Variants in MCF2L2 observed in about 807,000 individuals in gnomAD.
The protein encoded by MCF2L2 is MCF.2 cell line derived transforming sequence-like 2, also known as probable guanine nucleotide exchange factor MCF2L2.
MCF2L2 carries 102 observed loss-of-function variants against 150.2 expected under a neutral mutation model. The ratio of observed to expected loss-of-function variants is 0.68; its 90% CI spans 0.58 to 0.80. MCF2L2 has a LOEUF of 0.80. MCF2L2 is among the 30% of genes least tolerant of loss of function. MCF2L2 has a pLI of 0.00. For synonymous variants in MCF2L2, 465 were observed against 491.3 expected (o/e 0.95, Z 0.71); for missense variants, 1,256 against 1,372.8 (o/e 0.91, Z 1.34).
intron 27 of MCF2L2, chr3:183,182,465 C>G (rs1279727241): frequency 2.6e-5 from 4 of 152,302 alleles, no homozygotes; most frequent in Non-Finnish European, 5.9e-5. Flanking sequence ...CACATTTATA[C>G]AATTCAAACA....
intron 15 of MCF2L2, chr3:183,258,196 G>GA (rs1725254805): frequency 6.6e-6 from 1 of 152,528 alleles, no homozygotes; most frequent in Non-Finnish European, 1.5e-5. Context: ...TTGATCTCCC[G>GA]ACCTCCTGAT....
intron 1 of MCF2L2, among the ~76,000 whole-genome samples, chr3:183,405,431 G>A (rs761354890): frequency 3.3e-5 from 5 of 151,904 alleles, no homozygotes; most frequent in African/African-American, 4.8e-5. Context: ...TTTAAGCATC[G>A]ACACAATCAG....
At chr3:183,251,459 T>C (rs1387545760) in intron 15 of MCF2L2, among the ~76,000 whole-genome samples, 1 of 152,164 alleles carries the variant, frequency 6.6e-6, no homozygotes, top group Non-Finnish European at 1.5e-5. Context: ...AATCTGCTAC[T>C]CCTCTGCTCT....
chr3:183,255,827 AAG>A (rs1404215847), intron 15 of MCF2L2, among the ~76,000 whole-genome samples: 4 of 152,112 alleles, frequency 2.6e-5, no homozygotes, highest in African/African-American at 4.8e-5. Context: ...AAAAAAGAAA[AAG>A]AAAACTTTCT....
chr3:183,369,848 T>C (rs1577098896), intron 3 of MCF2L2, among the ~76,000 whole-genome samples: 1 of 152,234 alleles, frequency 6.6e-6, no homozygotes, highest in East Asian at 1.9e-4. Flanking sequence ...GCATAATAAA[T>C]GTTGAAGGGC....
intron 2 of MCF2L2, among the ~76,000 whole-genome samples, chr3:183,382,975 T>G (rs1295421601): frequency 1.3e-5 from 2 of 152,068 alleles, no homozygotes; most frequent in African/African-American, 2.4e-5. Context: ...ATTTTCCCTT[T>G]CTCCTCTACA....
chr3:183,290,531 TTC>T, intron 13 of MCF2L2, among the ~76,000 whole-genome samples: 1 of 151,502 alleles, frequency 6.6e-6, no homozygotes, highest in African/African-American at 2.4e-5. Context: ...GAGCATTTCT[TTC>T]TTTCTTTCTT....
At chr3:183,239,160 G>C (rs1263451846) in intron 15 of MCF2L2, among the ~76,000 whole-genome samples, 3 of 152,172 alleles carry the variant, frequency 2.0e-5, no homozygotes, top group Admixed American at 2.0e-4. Flanking sequence ...TCTACTCAGA[G>C]CTAGAGGACT....
At chr3:183,348,719 T>G (rs1248090191) in intron 3 of MCF2L2, among the ~76,000 whole-genome samples, 2 of 152,196 alleles carry the variant, frequency 1.3e-5, no homozygotes, top group Non-Finnish European at 2.9e-5. Flanking sequence ...AAAGCCAATG[T>G]GGCTATGTGA....
At chr3:183,327,916 A>G (rs570324373) in intron 5 of MCF2L2, among the ~76,000 whole-genome samples, 1 of 152,344 alleles carries the variant, frequency 6.6e-6, no homozygotes. Context: ...TGTATTATTT[A>G]TAATGAACCC....
At chr3:183,220,843 C>T (rs112566477) in intron 20 of MCF2L2, among the ~76,000 whole-genome samples, 110 of 152,266 alleles carry the variant, frequency 7.2e-4, no homozygotes, top group African/African-American at 1.3e-3. Context: ...ATGTCCTTTG[C>T]GCATCTTTTT....
rs756579835 is a variant in MCF2L2, at chr3:183,309,701, T to A, written c.1113+15A>T. The A allele has an allele frequency of 2.5e-6, 4 of 1,613,878 alleles. No individual in the cohort carries two copies. Among genetic ancestry groups the A allele is most frequent in the Non-Finnish European group, 3.4e-6 (4 of 1,179,970 alleles). On this transcript the variant is annotated intron_variant, in intron 10 of 29. Coordinates refer to ENST00000328913, the MANE Select transcript of MCF2L2 (RefSeq NM_015078.4). ...CAACCTCCCTCCCAGTACACAAAAA[T>A]GTCAGAAAGCAAACCTGGCTTTTTT...
chr3:183,211,695 C>T (rs1053150101), intron 22 of MCF2L2, among the ~76,000 whole-genome samples: 1 of 152,238 alleles, frequency 6.6e-6, no homozygotes, highest in Non-Finnish European at 1.5e-5. Context: ...CCACGTTGCA[C>T]AACCTCTTTC....
At chr3:183,357,111 A>G (rs1312923523) in intron 3 of MCF2L2, among the ~76,000 whole-genome samples, 1 of 152,202 alleles carries the variant, frequency 6.6e-6, no homozygotes, top group Non-Finnish European at 1.5e-5. Context: ...TTTATCAAAA[A>G]TAAAACAGAG....
At chr3:183,422,127 T>C (rs1715915071) in intron 1 of MCF2L2, among the ~76,000 whole-genome samples, 1 of 152,194 alleles carries the variant, frequency 6.6e-6, no homozygotes, top group African/African-American at 2.4e-5. Context: ...GGCCAATCTT[T>C]AGGTTCCATA....
chr3:183,371,961 T>C (rs1712911080), intron 3 of MCF2L2: 1 of 151,968 alleles, frequency 6.6e-6, no homozygotes, highest in Non-Finnish European at 1.5e-5. Flanking sequence ...GAGGAATTCC[T>C]TGTGGGCAAA....
At chr3:183,406,461 C>T (rs529662560) in intron 1 of MCF2L2, among the ~76,000 whole-genome samples, 10 of 152,172 alleles carry the variant, frequency 6.6e-5, no homozygotes, top group Admixed American at 2.6e-4. Flanking sequence ...CATTCTGGAT[C>T]GAGTCCTTTG....
chr3:183,394,055 G>T (rs546313414), intron 1 of MCF2L2, among the ~76,000 whole-genome samples: 5 of 152,296 alleles, frequency 3.3e-5, no homozygotes, highest in African/African-American at 1.2e-4. Context: ...CTAGGTTAAG[G>T]GGGAAAAAGT....
At chr3:183,233,398 A>ATATATG (rs1482971809) in intron 15 of MCF2L2, among the ~76,000 whole-genome samples, 10 of 150,928 alleles carry the variant, frequency 6.6e-5, no homozygotes, top group African/African-American at 2.2e-4. Flanking sequence ...AGATAGATAT[A>ATATATG]TGTGTGTGTG....
Sources: allele counts gnomAD v4.1 joint callset (sites outside exome capture counted in the v4.1 genomes callset), GRCh38; gene constraint gnomAD v4.1.1; transcripts MANE v1.5; gene names NCBI Gene and HGNC (gene_info 2026-07-23, HGNC 2026-07-21).